IGSF3: variants seen among roughly 807,000 people sequenced by gnomAD.
The protein encoded by IGSF3 is immunoglobulin superfamily member 3.
Under a neutral mutation model 114.4 loss-of-function variants are expected in IGSF3, and 23 were observed. That is an observed-to-expected ratio of 0.20 (90% CI 0.14 to 0.28). The LOEUF is 0.28. Ranked by LOEUF, IGSF3 falls within the 10% of genes least tolerant of loss-of-function variation. IGSF3 has a pLI of 1.00. For synonymous variants in IGSF3, 571 were observed against 645.2 expected (o/e 0.88, Z 1.74); for missense variants, 1,172 against 1,591.5 (o/e 0.74, Z 4.48).
chr1:116,637,698 A>T (rs1647896603), intron 2 of IGSF3, among the ~76,000 whole-genome samples: 2 of 152,158 alleles, frequency 1.3e-5, no homozygotes, highest in African/African-American at 4.8e-5. Flanking sequence ...TGGATTCAAA[A>T]CCTTGCATTC....
rs962728201 is a variant in IGSF3, at chr1:116,618,054, G to A, written c.44-1597C>T. ...GTGCAGCTCTCTGCCCAGCCCAGCA[G>A]GGGACTGTGCCTCAGTGTAAGCTAA... On this transcript the variant is annotated intron_variant, in intron 2 of 10. Coordinates refer to ENST00000369486, the MANE Select transcript of IGSF3 (RefSeq NM_001007237.3). The surrounding 1 kb of genome is among the most constrained non-coding windows in gnomAD (Gnocchi z 4.7). Among the ~76,000 whole-genome samples the A allele has an allele frequency of 2.0e-5, 3 of 152,256 alleles. No homozygotes were observed.
Position 116,606,437 on chromosome 1 carries a change from C to G in IGSF3, c.1222+1505G>C, listed in dbSNP as rs185034445. On this transcript the variant is annotated intron_variant, in intron 5 of 10. Coordinates refer to ENST00000369486, the MANE Select transcript of IGSF3 (RefSeq NM_001007237.3). ...TTAGGAGGAAAAGCGCCATTAAAAT[C>G]CAAGGCATTGTCACCATTACCGATG... The G allele has an allele frequency of 3.4e-5, 54 of 1,611,246 alleles. No individual in the cohort carries two copies. The East Asian group carries it at 8.9e-4, about 27-fold the overall frequency.
At chr1:116,606,466 T>C (rs1192961570) in intron 5 of IGSF3, 4 of 1,612,584 alleles carry the variant, frequency 2.5e-6, no homozygotes, top group Admixed American at 1.7e-5. Context: ...ACCGATGTGA[T>C]TGTTGTTGTT....
chr1:116,612,216 A>G lies in IGSF3; in HGVS notation c.832+1549T>C, dbSNP rs1481170132. Among the ~76,000 whole-genome samples, 1 of 152,196 alleles carries G rather than the reference A, an allele frequency of 6.6e-6. No homozygotes were observed. Among genetic ancestry groups the G allele is most frequent in the Admixed American group, 6.5e-5 (1 of 15,278 alleles). ...TGATCTTAAAACTATCCAGGAAGGG[A>G]AAGGATAAATATAAAATAAAGCCCC... On this transcript the variant is annotated intron_variant, in intron 4 of 10. Coordinates refer to ENST00000369486, the MANE Select transcript of IGSF3 (RefSeq NM_001007237.3). The surrounding 1 kb of genome is among the most constrained non-coding windows in gnomAD (Gnocchi z 4.1).
chr1:116,667,276 C>T (rs1404717402), intron 1 of IGSF3, among the ~76,000 whole-genome samples: 1 of 152,218 alleles, frequency 6.6e-6, no homozygotes, highest in Non-Finnish European at 1.5e-5. Flanking sequence ...AGGGGCTCCG[C>T]GGTGGGGCCG....
rs141108851 is a variant in IGSF3 at position 116,596,912 on chromosome 1, C to T, written c.2029+3029G>A. Reference sequence around the variant, plus strand: ...CATTCACAGTGGTTTACAAGAAATGCTCAGTGAATATTAGCTGCTACTGTT... The same window carrying T: ...CATTCACAGTGGTTTACAAGAAATGTTCAGTGAATATTAGCTGCTACTGTT... On this transcript the variant is annotated intron_variant, in intron 7 of 10. Coordinates refer to ENST00000369486, the MANE Select transcript of IGSF3 (RefSeq NM_001007237.3). This position sits in a 1 kb window ranked among gnomAD's most constrained non-coding sequence, Gnocchi z 4.1. Among the ~76,000 whole-genome samples the T allele has an allele frequency of 0.033, 5,014 of 152,252 alleles. 265 individuals are homozygous for T. Among genetic ancestry groups the T allele is most frequent in the African/African-American group, 0.11 (4,639 of 41,510 alleles).
intron 8 of IGSF3, among the ~76,000 whole-genome samples, chr1:116,586,562 A>G (rs918104709): frequency 3.9e-5 from 6 of 152,220 alleles, no homozygotes; most frequent in Non-Finnish European, 7.3e-5. Context: ...TTACGGTGTT[A>G]AAGTTCACTG....
At position 116,636,634 on chromosome 1, in the gene IGSF3, G is replaced by A. The variant is rs1213405909; in HGVS notation, c.44-20177C>T. Among the ~76,000 whole-genome samples the A allele has an allele frequency of 9.9e-5, 15 of 152,214 alleles. No homozygotes were observed. The South Asian group carries it at 1.5e-3, about 15-fold the overall frequency. On this transcript the variant is annotated intron_variant, in intron 2 of 10. Transcript: ENST00000369486. This position sits in a 1 kb window ranked among gnomAD's most constrained non-coding sequence, Gnocchi z 4.5. ...TGTCTAGCCCTTCTACACCAGGAGC[G>A]AGGCCTGAAAAGCTGCATGACTCAC...
At chr1:116,667,128 C>T (rs1244003221) in intron 1 of IGSF3, among the ~76,000 whole-genome samples, 172 bp from the exon 2 acceptor site, 1 of 152,216 alleles carries the variant, frequency 6.6e-6, no homozygotes, top group Non-Finnish European at 1.5e-5. Flanking sequence ...GTTTCCCTGC[C>T]CAGAGCAGGG....
intron 7 of IGSF3, among the ~76,000 whole-genome samples, chr1:116,599,184 G>A (rs1275081060): frequency 5.3e-5 from 8 of 152,034 alleles, no homozygotes; most frequent in East Asian, 1.9e-4. Flanking sequence ...GACCTTCAGC[G>A]CCTCATGCAA....
chr1:116,585,581 C>A lies in IGSF3; in HGVS notation c.2441-529G>T, dbSNP rs189637552. 4.1e-4 allele frequency among the ~76,000 whole-genome samples: 62 copies of A among 152,330 alleles called. No individual in the cohort carries two copies. The highest frequency in any genetic ancestry group is 1.4e-3 in the African/African-American group (58 of 41,588). ...GTAGTCCAACATCCTTACAAAAACC[C>A]ACACAGGTTCCTTCTCAGGTTGGGA... is the stretch of plus-strand genomic sequence containing the variant. On this transcript the variant is annotated intron_variant, in intron 8 of 10. Transcript: ENST00000369486. The surrounding 1 kb of genome is among the most constrained non-coding windows in gnomAD (Gnocchi z 4.9).
chr1:116,667,346 C>T (rs1380898773), intron 1 of IGSF3, among the ~76,000 whole-genome samples: 1 of 152,162 alleles, frequency 6.6e-6, no homozygotes, highest in Non-Finnish European at 1.5e-5. Flanking sequence ...CCAGGTGGCC[C>T]CGCTATTGTT....
chr1:116,585,372 CAT>C lies in IGSF3; in HGVS notation c.2441-322_2441-321del, dbSNP rs1022627614. On this transcript the variant is annotated intron_variant, in intron 8 of 10. Coordinates refer to ENST00000369486, the MANE Select transcript of IGSF3 (RefSeq NM_001007237.3). This position sits in a 1 kb window ranked among gnomAD's most constrained non-coding sequence, Gnocchi z 4.9. ...ATCCAAATGACAACGGACCACAAAACATGTCGCTGGCCGGGGCAGGTGGCTGG... is the reference window on the plus strand; with the variant it reads ...ATCCAAATGACAACGGACCACAAAACGTCGCTGGCCGGGGCAGGTGGCTGG... 7.9e-5 allele frequency among the ~76,000 whole-genome samples: 12 copies of C among 152,130 alleles called. No individual in the cohort carries two copies. Among genetic ancestry groups the C allele is most frequent in the Non-Finnish European group, 1.5e-4 (10 of 68,024 alleles).
rs889063920 is a variant in IGSF3 at position 116,574,742 on chromosome 1, G to A, written c.*2570C>T. ...CCAGAGTATTCAGCAGTTTTCCTCC[G>A]TCTCAGAAGACTAAAGCTCCAGTAG... On this transcript the variant is annotated 3_prime_UTR_variant, in exon 11 of 11. Transcript: ENST00000369486. The surrounding 1 kb of genome is among the most constrained non-coding windows in gnomAD (Gnocchi z 5.2). The A allele has an allele frequency of 1.3e-5, 2 of 152,542 alleles. No individual in the cohort carries two copies. The highest frequency in any genetic ancestry group is 6.5e-5 in the Admixed American group (1 of 15,268). 9.4% of individuals were successfully genotyped at this position (152,542 alleles called of 1,614,324 possible).
Position 116,603,934 on chromosome 1 carries a change from G to C in IGSF3, c.1314C>G (p.Gly438=). 1 of 1,613,940 alleles carries C rather than the reference G, an allele frequency of 6.2e-7. No homozygotes were observed. The highest frequency in any genetic ancestry group is 8.5e-7 in the Non-Finnish European group (1 of 1,180,036). ...TGACAGAGAAGCGACCCTGCGGCCT[G>C]CCTGCCGTGCGGACACTGCAGGAGA... ...LRFSCSVRTA[G]RPQGRFSVIW... Residue 438 remains glycine (G), a synonymous_variant, in exon 6 of 11, where the codon GGC becomes GGG. Transcript: ENST00000369486. The surrounding 1 kb of genome is among the most constrained non-coding windows in gnomAD (Gnocchi z 7.1).
chr1:116,585,066 G>A lies in IGSF3; in HGVS notation c.2441-14C>T. 6.6e-7 allele frequency: 1 copy of A among 1,507,802 alleles called. No homozygotes were observed. Among genetic ancestry groups the A allele is most frequent in the Non-Finnish European group, 8.9e-7 (1 of 1,127,624 alleles). 93.4% of individuals were successfully genotyped at this position (1,507,802 alleles called of 1,614,324 possible). On this transcript the variant is annotated splice_polypyrimidine_tract_variant and intron_variant, in intron 8 of 10. Coordinates refer to ENST00000369486, the MANE Select transcript of IGSF3 (RefSeq NM_001007237.3). The surrounding 1 kb of genome is among the most constrained non-coding windows in gnomAD (Gnocchi z 4.9). ...TCAGGCGGCTGTCTGGAACAGTAAGGAAGAGACGTCAGCGACAAAAGGACA... is the reference window on the plus strand; with the variant it reads ...TCAGGCGGCTGTCTGGAACAGTAAGAAAGAGACGTCAGCGACAAAAGGACA...
chr1:116,654,640 G>A lies in IGSF3; in HGVS notation c.43+11644C>T, dbSNP rs921880432. On this transcript the variant is annotated intron_variant, in intron 2 of 10. Transcript: ENST00000369486. This position sits in a 1 kb window ranked among gnomAD's most constrained non-coding sequence, Gnocchi z 4.4. ...GCCTTATACTCACCACCCCCCATAC[G>A]AGGCTCCTCTGGTATGGACGGTGTC... Among the ~76,000 whole-genome samples the A allele has an allele frequency of 2.0e-5, 3 of 152,166 alleles. No homozygotes were observed. The highest frequency in any genetic ancestry group is 2.1e-4 in the South Asian group (1 of 4,830).
chr1:116,577,590 C>T lies in IGSF3; in HGVS notation c.3335-28G>A, dbSNP rs753999258. On this transcript the variant is annotated intron_variant, in intron 10 of 10. Coordinates refer to ENST00000369486, the MANE Select transcript of IGSF3 (RefSeq NM_001007237.3). The surrounding 1 kb of genome is among the most constrained non-coding windows in gnomAD (Gnocchi z 5.7). ...GAAAAGAATCATGAGAGAGACAAGA[C>T]AATGAGGGCTGAGAACCTGGACTGC... 2 of 1,610,098 alleles carry T rather than the reference C, an allele frequency of 1.2e-6. No individual in the cohort carries two copies. The highest frequency in any genetic ancestry group is 2.2e-5 in the East Asian group (1 of 44,842).
rs202137247 is a variant in IGSF3, at chr1:116,603,383, T to C, written c.1624+241A>G. ...AGGAGTAGTCACAGCTCCCAGCTAT[T>C]GCTATCCCTCAGGAGCCCCATCATC... On this transcript the variant is annotated intron_variant, in intron 6 of 10. Transcript: ENST00000369486. This position sits in a 1 kb window ranked among gnomAD's most constrained non-coding sequence, Gnocchi z 7.1. Among the ~76,000 whole-genome samples, 26 of 152,324 alleles carry C rather than the reference T, an allele frequency of 1.7e-4. No individual in the cohort carries two copies. The East Asian group carries it at 3.9e-3, about 23-fold the overall frequency.
Sources: allele counts gnomAD v4.1 joint callset (sites outside exome capture counted in the v4.1 genomes callset), GRCh38; gene constraint gnomAD v4.1.1; non-coding constraint Gnocchi (gnomAD v3.1); transcripts MANE v1.5; gene names NCBI Gene and HGNC (gene_info 2026-07-23, HGNC 2026-07-21).